ATXN7: variants seen among roughly 807,000 people sequenced by gnomAD.
The protein encoded by ATXN7 is ataxin-7.
Under a neutral mutation model 70.5 loss-of-function variants are expected in ATXN7, and 12 were observed. That is an observed-to-expected ratio of 0.17 (90% CI 0.11 to 0.28). ATXN7 has a LOEUF of 0.28. Ranked by LOEUF, ATXN7 falls within the 10% of genes least tolerant of loss-of-function variation. The pLI is 1.00. For missense variants in ATXN7, 1,256 were observed against 1,131.7 expected, an observed-to-expected ratio of 1.11 and a Z score of -1.58; for synonymous variants, 498 against 448.7, an observed-to-expected ratio of 1.11 and a Z score of -1.39.
Position 63,959,490 on chromosome 3 carries a change from G to A in ATXN7, c.499+7007G>A, listed in dbSNP as rs112699016. Among the ~76,000 whole-genome samples, 1,154 of 152,238 alleles carry A rather than the reference G, an allele frequency of 7.6e-3. 8 individuals are homozygous for A. Among genetic ancestry groups the A allele is most frequent in the Middle Eastern group, 0.017 (5 of 294 alleles). On this transcript the variant is annotated intron_variant, in intron 5 of 12. Coordinates refer to ENST00000674280, the MANE Select transcript of ATXN7 (RefSeq NM_001377405.1). ...TCTTGTCATTAAGTAACCATTTTTG[G>A]ATAAAGAAAGAAAATGTTTTTTATT...
intron 5 of ATXN7, among the ~76,000 whole-genome samples, chr3:63,965,631 T>G (rs999133036): frequency 1.3e-5 from 2 of 151,282 alleles, no homozygotes; most frequent in African/African-American, 4.9e-5. Flanking sequence ...AAAAGAAATA[T>G]GACCATGTCC....
intron 2 of ATXN7, chr3:63,911,872 C>T (rs1704025733): frequency 6.6e-6 from 1 of 152,396 alleles, no homozygotes; most frequent in Admixed American, 6.5e-5. Context: ...CTTTTGACAA[C>T]TCTGCGGCCG....
intron 4 of ATXN7, among the ~76,000 whole-genome samples, chr3:63,914,979 G>T (rs963718337): frequency 6.6e-6 from 1 of 151,488 alleles, no homozygotes; most frequent in Non-Finnish European, 1.5e-5. Context: ...GCAGTGGTGC[G>T]ATCTTGGCTC....
At chr3:63,956,381 A>G (rs1411106226) in intron 5 of ATXN7, among the ~76,000 whole-genome samples, 1 of 133,872 alleles carries the variant, frequency 7.5e-6, no homozygotes, top group Non-Finnish European at 1.5e-5. Context: ...AGATAGCACC[A>G]CTGCACTGGA....
chr3:63,972,472 T>C (rs1427287572), intron 5 of ATXN7, among the ~76,000 whole-genome samples: 1 of 152,198 alleles, frequency 6.6e-6, no homozygotes, highest in African/African-American at 2.4e-5. Context: ...TGAGTCTATC[T>C]GAAAGTGTGA....
In ATXN7 at chr3:63,996,727, A is replaced by T. The variant is rs1238978190; in HGVS notation, c.2661+244A>T. The T allele has an allele frequency of 7.6e-6, 4 of 526,220 alleles. No homozygotes were observed. In the East Asian group the frequency reaches 9.4e-5, roughly 12 times the overall value. The allele number at this position is 526,220 out of a possible 1,614,324, so 32.6% of individuals were successfully genotyped here. A position where few individuals can be genotyped will look rare whatever the true frequency, so the allele number is the denominator to read the frequency against. On this transcript the variant is annotated intron_variant, in intron 12 of 12. Coordinates refer to ENST00000674280, the MANE Select transcript of ATXN7 (RefSeq NM_001377405.1). ...AGATGTTCTTCAGTAAAGAAACTAC[A>T]GTAATGCATTTTTAGTAGAGCTGCA...
chr3:63,875,507 T>G (rs1702725299), intron 1 of ATXN7, among the ~76,000 whole-genome samples: 1 of 152,192 alleles, frequency 6.6e-6, no homozygotes, highest in South Asian at 2.1e-4. Flanking sequence ...TATTCTTGCC[T>G]TGGAGGCCCA....
chr3:63,992,191 A>G lies in ATXN7; in HGVS notation c.1682+1332A>G, dbSNP rs73834165. The stretch of plus-strand genomic sequence containing the variant: ...AGTCGGAGGCCTTGGATTGTCTGCA[A>G]CCCAAAGAACCATCTCCATGATCAT... On this transcript the variant is annotated intron_variant, in intron 11 of 12. Transcript: ENST00000674280. 5.1e-3 allele frequency among the ~76,000 whole-genome samples: 776 copies of G among 152,314 alleles called. 4 individuals carry two copies. The highest frequency in any genetic ancestry group is 0.018 in the African/African-American group (739 of 41,558).
At chr3:63,972,257 CTG>C (rs1471510572) in intron 5 of ATXN7, among the ~76,000 whole-genome samples, 1 of 152,212 alleles carries the variant, frequency 6.6e-6, no homozygotes, top group African/African-American at 2.4e-5. Context: ...TGGCCAAAGA[CTG>C]TGTGCATGTT....
chr3:63,982,463 T>C lies in ATXN7; in HGVS notation c.1012+18T>C. ...ATTATCAGGTAACTTCAAATTTTCT[T>C]TCTTCATAATGCTTCTCTATATATT... On this transcript the variant is annotated intron_variant, in intron 7 of 12. Coordinates refer to ENST00000674280, the MANE Select transcript of ATXN7 (RefSeq NM_001377405.1). The C allele has an allele frequency of 6.4e-7, 1 of 1,562,778 alleles. No homozygotes were observed.
Position 63,999,638 on chromosome 3 carries a change from C to T in ATXN7, c.*171C>T. 1 of 1,217,274 alleles carries T rather than the reference C, an allele frequency of 8.2e-7. No individual in the cohort carries two copies. The highest frequency in any genetic ancestry group is 1.2e-6 in the Non-Finnish European group (1 of 842,742). 75.4% of individuals were successfully genotyped at this position (1,217,274 alleles called of 1,614,324 possible). A position where few individuals can be genotyped will look rare whatever the true frequency, so the allele number is the denominator to read the frequency against. On this transcript the variant is annotated 3_prime_UTR_variant, in exon 13 of 13. Transcript: ENST00000674280. ...TGTTTTAACGAGGATTTCCCTGAAG[C>T]TATGTCTCTAGCAGTGAGTACTCAT...
intron 4 of ATXN7, among the ~76,000 whole-genome samples, chr3:63,939,262 C>T (rs2074714924): frequency 6.6e-6 from 1 of 152,120 alleles, no homozygotes; most frequent in African/African-American, 2.4e-5. Context: ...TTCTCTTCAC[C>T]ACCTTTGTAT....
At chr3:63,994,553 A>C (rs1372716095) in intron 11 of ATXN7, among the ~76,000 whole-genome samples, 2 of 152,192 alleles carry the variant, frequency 1.3e-5, no homozygotes, top group African/African-American at 4.8e-5. Context: ...TTTTTAAAGC[A>C]TTTGCAAATA....
At chr3:63,998,454 A>T (rs2075794804) in intron 12 of ATXN7, 1 of 985,218 alleles carries the variant, frequency 1.0e-6, no homozygotes, top group South Asian at 4.7e-5. Flanking sequence ...TCTTTGGCTC[A>T]TGACCTGCCA....
chr3:63,877,238 G>T (rs995563289), intron 1 of ATXN7, among the ~76,000 whole-genome samples: 3 of 151,958 alleles, frequency 2.0e-5, no homozygotes, highest in African/African-American at 7.2e-5. Context: ...TTTTTTTCGT[G>T]ATTACAGAAA....
intron 4 of ATXN7, among the ~76,000 whole-genome samples, chr3:63,918,995 G>A (rs1704398135): frequency 6.6e-6 from 1 of 151,926 alleles, no homozygotes; most frequent in South Asian, 2.1e-4. Context: ...TTCCTTGTAA[G>A]CTCTTCACTA....
chr3:63,995,688 A>G lies in ATXN7; in HGVS notation c.1866A>G (p.Gly622=). 1 of 1,614,182 alleles carries G rather than the reference A, an allele frequency of 6.2e-7. No individual in the cohort carries two copies. Among genetic ancestry groups the G allele is most frequent in the Non-Finnish European group, 8.5e-7 (1 of 1,180,032 alleles). The change falls in exon 12 of 13, where the codon GGA becomes GGG. Residue 622 remains glycine, a synonymous_variant. Coordinates refer to ENST00000674280, the MANE Select transcript of ATXN7 (RefSeq NM_001377405.1). ...SPNSKSVPAH[G]TTLNAQPAAS... is the part of the protein sequence containing the mutation. ...ATAGCAAATCGGTACCAGCTCATGG[A>G]ACCACACTAAATGCACAGCCTGCTG...
At chr3:63,869,276 AGAG>A (rs1233975321) in intron 1 of ATXN7, among the ~76,000 whole-genome samples, 1 of 152,164 alleles carries the variant, frequency 6.6e-6, no homozygotes, top group Non-Finnish European at 1.5e-5. Context: ...CTTTGAGTCT[AGAG>A]GAGATGACCA....
chr3:63,866,171 T>C (rs1309325937), intron 1 of ATXN7, among the ~76,000 whole-genome samples: 1 of 152,208 alleles, frequency 6.6e-6, no homozygotes, highest in Non-Finnish European at 1.5e-5. Context: ...GCTAGAAATT[T>C]TCTGGAGTAA....
Sources: allele counts gnomAD v4.1 joint callset (sites outside exome capture counted in the v4.1 genomes callset), GRCh38; gene constraint gnomAD v4.1.1; transcripts MANE v1.5; gene names NCBI Gene and HGNC (gene_info 2026-07-23, HGNC 2026-07-21).